RAB22A: variants seen among roughly 807,000 people sequenced by gnomAD.
The protein encoded by RAB22A is RAB22A, member RAS oncogene family, also known as ras-related protein Rab-22A.
RAB22A carries 13 observed loss-of-function variants against 30.2 expected under a neutral mutation model. The ratio of observed to expected loss-of-function variants is 0.43; its 90% CI spans 0.28 to 0.68. RAB22A has a LOEUF of 0.68. Among genes scored for constraint, RAB22A ranks in the 30% least tolerant of loss-of-function variants. RAB22A has a pLI of 0.18. For synonymous variants in RAB22A, 89 were observed against 87.2 expected (o/e 1.02, Z -0.11); for missense variants, 177 against 246.8 (o/e 0.72, Z 1.89).
intron 2 of RAB22A, among the ~76,000 whole-genome samples, chr20:58,330,475 A>T: frequency 6.7e-6 from 1 of 149,806 alleles, no homozygotes; most frequent in South Asian, 2.1e-4. Flanking sequence ...CTTGGGTCAC[A>T]TTTTCTTGGA....
chr20:58,359,817 C>A lies in RAB22A; in HGVS notation c.*114C>A. The A allele has an allele frequency of 2.4e-6, 2 of 846,288 alleles. No homozygotes were observed. The highest frequency in any genetic ancestry group is 3.6e-6 in the Non-Finnish European group (2 of 554,712). The allele number at this position is 846,288 out of a possible 1,614,324, so 52.4% of individuals were successfully genotyped here. The stretch of plus-strand genomic sequence containing the variant: ...TAGCCAGTCTTGAGTCTTCTCCGTG[C>A]AAAAAGGATTCACAGAAATGGACCA... On this transcript the variant is annotated 3_prime_UTR_variant, in exon 7 of 7. Coordinates refer to ENST00000244040, the MANE Select transcript of RAB22A (RefSeq NM_020673.3).
At chr20:58,315,373 T>G (rs954303690) in intron 2 of RAB22A, among the ~76,000 whole-genome samples, 3 of 152,156 alleles carry the variant, frequency 2.0e-5, no homozygotes, top group Admixed American at 2.0e-4. Context: ...AACTCCGTCT[T>G]TGTTCCTCCT....
intron 2 of RAB22A, among the ~76,000 whole-genome samples, chr20:58,313,480 C>T (rs1340768313): frequency 6.6e-6 from 1 of 152,074 alleles, no homozygotes; most frequent in Non-Finnish European, 1.5e-5. Flanking sequence ...ACACAGGTTC[C>T]GAATCCACCC....
chr20:58,311,056 G>A lies in RAB22A; in HGVS notation c.50G>A (p.Gly17Asp), dbSNP rs1262913576. Residue 17 changes from glycine (G) to aspartate (D), a missense_variant, in exon 2 of 7, where the codon GGT becomes GAT. Transcript: ENST00000244040. ...GTTCTCTTTCAGGATACAGGTGTAG[G>A]TAAATCGAGTATTGTGTGGCGGTTT... The part of the protein sequence containing the change: ...KVCLLGDTGV[G>D]KSSIVWRFVE... 2 of 1,604,614 alleles carry A rather than the reference G, an allele frequency of 1.2e-6. No individual in the cohort carries two copies. The highest frequency in any genetic ancestry group is 1.7e-6 in the Non-Finnish European group (2 of 1,171,320).
At chr20:58,333,429 T>C (rs924059430) in intron 2 of RAB22A, among the ~76,000 whole-genome samples, 2 of 152,188 alleles carry the variant, frequency 1.3e-5, no homozygotes, top group Admixed American at 1.3e-4. Context: ...AGACAAAAGC[T>C]GAGTTTGTCT....
At chr20:58,310,161 G>C (rs1600719758) in intron 1 of RAB22A, 149 bp downstream of exon 1, 1 of 798,016 alleles carries the variant, frequency 1.3e-6, no homozygotes, top group East Asian at 3.4e-5. Flanking sequence ...CTCGGGAGCC[G>C]TCCCGCCCAC....
At chr20:58,315,727 A>T (rs767623107) in intron 2 of RAB22A, among the ~76,000 whole-genome samples, 14 of 150,324 alleles carry the variant, frequency 9.3e-5, no homozygotes, top group African/African-American at 3.0e-4. Flanking sequence ...AACCCCATTC[A>T]TATCCATTTA....
intron 2 of RAB22A, among the ~76,000 whole-genome samples, chr20:58,329,194 C>T (rs1177076855): frequency 6.6e-6 from 1 of 151,980 alleles, no homozygotes; most frequent in Non-Finnish European, 1.5e-5. Flanking sequence ...GCTGGGATTA[C>T]AGGCGCCTGC....
Position 58,360,816 on chromosome 20 carries a change from C to T in RAB22A, c.*1113C>T, listed in dbSNP as rs1282711848. ...TTCTCTGCCTTCCCTTCTACCCACC[C>T]GCCTCCCACCAGATCCCATCTGGAA... On this transcript the variant is annotated 3_prime_UTR_variant, in exon 7 of 7. Coordinates refer to ENST00000244040, the MANE Select transcript of RAB22A (RefSeq NM_020673.3). The T allele has an allele frequency of 6.6e-6, 1 of 152,550 alleles. No homozygotes were observed. Among genetic ancestry groups the T allele is most frequent in the Non-Finnish European group, 1.5e-5 (1 of 68,052 alleles). The allele number at this position is 152,550 out of a possible 1,614,324, so 9.4% of individuals were successfully genotyped here.
At chr20:58,354,353 G>T in intron 6 of RAB22A, 88 bp downstream of exon 6, 1 of 859,106 alleles carries the variant, frequency 1.2e-6, no homozygotes, top group Non-Finnish European at 1.8e-6. Flanking sequence ...GTCTTACTTA[G>T]AGCAGTCTAG....
intron 2 of RAB22A, among the ~76,000 whole-genome samples, chr20:58,324,865 CA>C (rs35375006): frequency 0.062 from 1,845 of 29,772 alleles, 29 homozygotes; most frequent in Middle Eastern, 0.095. Flanking sequence ...GACTCCGTCT[CA>C]AAAAAAAAAA....
At chr20:58,315,803 T>A (rs991511583) in intron 2 of RAB22A, among the ~76,000 whole-genome samples, 2 of 152,114 alleles carry the variant, frequency 1.3e-5, no homozygotes, top group Non-Finnish European at 2.9e-5. Flanking sequence ...TTGCCGGGGC[T>A]ATTGAGCTGA....
intron 2 of RAB22A, among the ~76,000 whole-genome samples, chr20:58,313,718 A>G (rs141857879): frequency 1.2e-4 from 19 of 152,180 alleles, no homozygotes; most frequent in South Asian, 2.1e-4. Context: ...AGTGCCTGCT[A>G]TATGCCAGGT....
rs936819270 is a variant in RAB22A, at chr20:58,360,079, C to T, written c.*376C>T. On this transcript the variant is annotated 3_prime_UTR_variant, in exon 7 of 7. Coordinates refer to ENST00000244040, the MANE Select transcript of RAB22A (RefSeq NM_020673.3). ...GGTTCTTAAGGGAAAAGAAACAGAC[C>T]TTGTGGAGATTATAATTTCCTTGGT... 1.9e-5 allele frequency: 3 copies of T among 154,642 alleles called. No homozygotes were observed. The highest frequency in any genetic ancestry group is 7.2e-5 in the African/African-American group (3 of 41,428). 9.6% of individuals were successfully genotyped at this position (154,642 alleles called of 1,614,324 possible).
At chr20:58,312,357 C>T (rs1568862447) in intron 2 of RAB22A, among the ~76,000 whole-genome samples, 2 of 150,226 alleles carry the variant, frequency 1.3e-5, no homozygotes. Flanking sequence ...CTCCTGGGCT[C>T]AAGTCATCCT....
At position 58,359,647 on chromosome 20, in the gene RAB22A, G is replaced by T; in HGVS notation, c.529G>T (p.Gly177Cys). The change falls in exon 7 of 7, where the codon GGT (glycine) becomes TGT (cysteine). Residue 177 changes from glycine (G) to cysteine (C), a missense_variant. Gly to Cys is a radical substitution (Grantham distance 159). Coordinates refer to ENST00000244040, the MANE Select transcript of RAB22A (RefSeq NM_020673.3). ...CACTGACGCCAACCTGCCATCTGGC[G>T]GTAAGGGCTTCAAACTCCGAAGACA... ...PSTDANLPSG[G>C]KGFKLRRQPS... is the part of the protein sequence containing the mutation. The T allele has an allele frequency of 6.2e-7, 1 of 1,613,070 alleles. No individual in the cohort carries two copies. The highest frequency in any genetic ancestry group is 2.2e-5 in the East Asian group (1 of 44,856).
chr20:58,341,027 A>G (rs1986845731), intron 2 of RAB22A, among the ~76,000 whole-genome samples: 1 of 152,220 alleles, frequency 6.6e-6, no homozygotes, highest in Non-Finnish European at 1.5e-5. Flanking sequence ...CCAGGGCAGC[A>G]TTGACACATG....
At chr20:58,342,578 C>G (rs997838195) in intron 2 of RAB22A, among the ~76,000 whole-genome samples, 1 of 151,494 alleles carries the variant, frequency 6.6e-6, no homozygotes, top group Admixed American at 6.6e-5. Flanking sequence ...AAAATGCCAG[C>G]CATTGAGTTC....
chr20:58,313,816 G>C (rs1480808820), intron 2 of RAB22A, among the ~76,000 whole-genome samples: 1 of 152,156 alleles, frequency 6.6e-6, no homozygotes, highest in African/African-American at 2.4e-5. Flanking sequence ...AAGAGTTACT[G>C]AAACAGTCAC....
Sources: gnomAD v4.1 joint callset for allele counts (sites outside exome capture counted in the v4.1 genomes callset) on GRCh38, gnomAD v4.1.1 for gene constraint, MANE v1.5 for transcripts, NCBI Gene and HGNC (gene_info 2026-07-23, HGNC 2026-07-21) for gene names.